CLSTN2: variants seen among roughly 807,000 people sequenced by gnomAD.
CLSTN2 encodes the protein calsyntenin 2.
CLSTN2 carries 48 observed loss-of-function variants against 101.2 expected under a neutral mutation model. The ratio of observed to expected loss-of-function variants is 0.47; its 90% CI spans 0.38 to 0.60. CLSTN2 has a LOEUF of 0.60. Among genes scored for constraint, CLSTN2 ranks in the 20% least tolerant of loss-of-function variants. The pLI, the probability that CLSTN2 is intolerant of heterozygous loss-of-function variation, is 0.00. For missense variants in CLSTN2, 1,160 were observed against 1,238.2 expected, an observed-to-expected ratio of 0.94 and a Z score of 0.95; for synonymous variants, 481 against 463.6, an observed-to-expected ratio of 1.04 and a Z score of -0.48.
intron 7 of CLSTN2, chr3:140,461,141 T>C (rs1933552963): frequency 1.3e-5 from 2 of 152,246 alleles, no homozygotes; most frequent in Admixed American, 1.3e-4. Context: ...CATTCTCTGT[T>C]TCAATTGATC....
intron 1 of CLSTN2, among the ~76,000 whole-genome samples, chr3:140,066,423 CT>C (rs2008300865): frequency 6.6e-6 from 1 of 152,218 alleles, no homozygotes; most frequent in East Asian, 1.9e-4. Flanking sequence ...AGAGGAAAGG[CT>C]TGGGTAGCCA....
At chr3:140,564,481 AG>A (rs1391235757) in intron 16 of CLSTN2, among the ~76,000 whole-genome samples, 2 of 152,256 alleles carry the variant, frequency 1.3e-5, no homozygotes, top group African/African-American at 2.4e-5. Flanking sequence ...ACTAACACTT[AG>A]GGACTCAGTA....
At chr3:140,329,877 A>G (rs956861640) in intron 2 of CLSTN2, among the ~76,000 whole-genome samples, 4 of 152,218 alleles carry the variant, frequency 2.6e-5, no homozygotes, top group Non-Finnish European at 5.9e-5. Context: ...AAGTAATTCA[A>G]TGTTACTCAA....
At chr3:140,175,898 G>A (rs1419347896) in intron 1 of CLSTN2, 53 bp from the exon 2 acceptor site, 1 of 1,530,404 alleles carries the variant, frequency 6.5e-7, no homozygotes, top group East Asian at 2.3e-5. Flanking sequence ...ACATTATTAT[G>A]GGTTTGTTAT....
chr3:140,575,592 T>C lies in CLSTN2; in HGVS notation c.*9339T>C, dbSNP rs913356476. On this transcript the variant is annotated 3_prime_UTR_variant, in exon 17 of 17. Transcript: ENST00000458420. ...TGGGCAGGAGGTTGAAGAAAACCAG[T>C]TGGTGAGTATAGAAAAGAAATTGCA... is the stretch of plus-strand genomic sequence containing the variant. 4 of 152,150 alleles carry C rather than the reference T, an allele frequency of 2.6e-5. No homozygotes were observed. Among genetic ancestry groups the C allele is most frequent in the Non-Finnish European group, 4.4e-5 (3 of 68,022 alleles). 9.4% of individuals were successfully genotyped at this position (152,150 alleles called of 1,614,324 possible). A position where few individuals can be genotyped will look rare whatever the true frequency, so the allele number is the denominator to read the frequency against.
At chr3:140,234,161 C>T (rs1044635400) in intron 2 of CLSTN2, among the ~76,000 whole-genome samples, 2 of 152,218 alleles carry the variant, frequency 1.3e-5, no homozygotes, top group Non-Finnish European at 2.9e-5. Flanking sequence ...GGTCACAAAT[C>T]CAATTTCCAT....
chr3:140,214,908 A>T (rs569447715), intron 2 of CLSTN2, among the ~76,000 whole-genome samples: 32 of 152,256 alleles, frequency 2.1e-4, no homozygotes, highest in Non-Finnish European at 3.8e-4. Context: ...TAATAAATTT[A>T]GACTATTATA....
chr3:140,212,828 C>A (rs2010874971), intron 2 of CLSTN2, among the ~76,000 whole-genome samples: 1 of 152,202 alleles, frequency 6.6e-6, no homozygotes, highest in African/African-American at 2.4e-5. Context: ...AGCCCTCAGG[C>A]TCTGGACACC....
At chr3:140,208,719 T>C (rs1004988985) in intron 2 of CLSTN2, among the ~76,000 whole-genome samples, 3 of 152,204 alleles carry the variant, frequency 2.0e-5, no homozygotes, top group Admixed American at 6.5e-5. Flanking sequence ...CCCAATCCTT[T>C]TTATTTTACT....
intron 2 of CLSTN2, among the ~76,000 whole-genome samples, chr3:140,378,641 A>G (rs1904486): frequency 0.96 from 145,793 of 152,308 alleles, 70,093 homozygotes; most frequent in East Asian, 1. Flanking sequence ...GGAGAAAGCA[A>G]CAGGGAGGTT....
intron 7 of CLSTN2, among the ~76,000 whole-genome samples, chr3:140,465,583 A>C (rs1462355399): frequency 6.6e-6 from 1 of 152,186 alleles, no homozygotes; most frequent in Non-Finnish European, 1.5e-5. Flanking sequence ...CTAGAAATGT[A>C]ATTGGTATTG....
At chr3:140,007,513 A>G (rs554621586) in intron 1 of CLSTN2, among the ~76,000 whole-genome samples, 7 of 152,200 alleles carry the variant, frequency 4.6e-5, no homozygotes, top group Admixed American at 2.6e-4. Context: ...ACAGGAATGG[A>G]TTTGAGTCCC....
intron 1 of CLSTN2, among the ~76,000 whole-genome samples, chr3:139,949,894 C>A (rs1178471152): frequency 3.9e-5 from 6 of 152,162 alleles, no homozygotes; most frequent in Non-Finnish European, 8.8e-5. Context: ...GCTCCATTTT[C>A]CAAACAGGTC....
At chr3:140,107,830 C>A (rs1005650223) in intron 1 of CLSTN2, among the ~76,000 whole-genome samples, 1 of 152,164 alleles carries the variant, frequency 6.6e-6, no homozygotes, top group Non-Finnish European at 1.5e-5. Context: ...ACTATTTTGT[C>A]CTCCTCAATC....
chr3:140,226,974 A>T (rs1212810936), intron 2 of CLSTN2, among the ~76,000 whole-genome samples: 1 of 152,194 alleles, frequency 6.6e-6, no homozygotes, highest in African/African-American at 2.4e-5. Flanking sequence ...GATACTTGGG[A>T]ATTCAAGATG....
At chr3:140,409,573 T>A (rs1177464374) in intron 4 of CLSTN2, among the ~76,000 whole-genome samples, 1 of 152,148 alleles carries the variant, frequency 6.6e-6, no homozygotes, top group African/African-American at 2.4e-5. Context: ...TGAATCCAGT[T>A]CATAAAGTCT....
intron 2 of CLSTN2, among the ~76,000 whole-genome samples, chr3:140,202,745 A>G (rs148553390): frequency 9.7e-4 from 147 of 152,056 alleles, no homozygotes; most frequent in Admixed American, 2.4e-3. Context: ...CCAGTGTGTT[A>G]GGAGGAAACC....
At chr3:140,136,041 T>G (rs2009611610) in intron 1 of CLSTN2, among the ~76,000 whole-genome samples, 1 of 152,258 alleles carries the variant, frequency 6.6e-6, no homozygotes, top group Non-Finnish European at 1.5e-5. Context: ...ACTTTCATTC[T>G]TAATGAGCAG....
chr3:140,332,396 A>G (rs961235627), intron 2 of CLSTN2, among the ~76,000 whole-genome samples: 5 of 152,264 alleles, frequency 3.3e-5, no homozygotes, highest in Admixed American at 1.3e-4. Context: ...CTTATACTCA[A>G]TGCTGCAAGC....
Sources: allele counts gnomAD v4.1 joint callset (sites outside exome capture counted in the v4.1 genomes callset), GRCh38; gene constraint gnomAD v4.1.1; transcripts MANE v1.5; gene names NCBI Gene and HGNC (gene_info 2026-07-23, HGNC 2026-07-21).